KCMF1: variants seen among roughly 807,000 people sequenced by gnomAD.
KCMF1 encodes the protein E3 ubiquitin-protein ligase KCMF1.
Under a neutral mutation model 41.1 loss-of-function variants are expected in KCMF1, and 3 were observed. The observed-to-expected ratio is 0.07, with a 90% confidence interval of 0.03 to 0.19. The LOEUF is 0.19. KCMF1 is among the 10% of genes least tolerant of loss of function. The pLI, the probability that KCMF1 is intolerant of heterozygous loss-of-function variation, is 1.00. For missense variants in KCMF1, 286 were observed against 488.9 expected, an observed-to-expected ratio of 0.58 and a Z score of 3.91; for synonymous variants, 142 against 164.5, an observed-to-expected ratio of 0.86 and a Z score of 1.04.
chr2:85,019,318 A>G (rs1674870346), intron 1 of KCMF1, among the ~76,000 whole-genome samples: 1 of 152,164 alleles, frequency 6.6e-6, no homozygotes, highest in African/African-American at 2.4e-5. Context: ...ACAGATTCTG[A>G]CACATATACT....
chr2:85,029,461 G>A (rs1675208167), intron 2 of KCMF1, among the ~76,000 whole-genome samples: 2 of 151,870 alleles, frequency 1.3e-5, no homozygotes, highest in Admixed American at 6.6e-5. Flanking sequence ...TGGATGTGGT[G>A]GCGCACATGC....
At chr2:85,023,705 C>T (rs1675012815) in intron 1 of KCMF1, among the ~76,000 whole-genome samples, 1 of 152,096 alleles carries the variant, frequency 6.6e-6, no homozygotes, top group African/African-American at 2.4e-5. Flanking sequence ...ACAAAAGATT[C>T]CCTCCCCGGG....
At chr2:85,029,685 T>C (rs1675216801) in intron 2 of KCMF1, among the ~76,000 whole-genome samples, 2 of 148,936 alleles carry the variant, frequency 1.3e-5, no homozygotes, top group South Asian at 4.3e-4. Context: ...TAATTTTTTT[T>C]TTTTTTTTTT....
At chr2:85,008,255 T>TCATATATAATATATAATATGA (rs1491266401) in intron 1 of KCMF1, among the ~76,000 whole-genome samples, 38 of 64,020 alleles carry the variant, frequency 5.9e-4, no homozygotes, top group Non-Finnish European at 1.0e-3. Flanking sequence ...ATGATATATA[T>TCATATATAATATATAATATGA]TATATATCAT....
At chr2:85,000,027 TAAA>T (rs55703502) in intron 1 of KCMF1, among the ~76,000 whole-genome samples, 1 of 147,684 alleles carries the variant, frequency 6.8e-6, no homozygotes, top group Non-Finnish European at 1.5e-5. Flanking sequence ...CAGGGGACAT[TAAA>T]AAAAAAAGAA....
chr2:84,981,122 G>A (rs1269162436), intron 1 of KCMF1, among the ~76,000 whole-genome samples: 6 of 151,348 alleles, frequency 4.0e-5, no homozygotes, highest in Non-Finnish European at 7.4e-5. Context: ...AGAAGAAATA[G>A]CAGAAGAATA....
intron 1 of KCMF1, among the ~76,000 whole-genome samples, chr2:85,020,090 G>A (rs114016011): frequency 0.01 from 1,581 of 152,142 alleles, 21 homozygotes; most frequent in African/African-American, 0.036. Flanking sequence ...AGAGTAGAGC[G>A]AGCAAGGGAT....
At position 85,031,652 on chromosome 2, in the gene KCMF1, A is replaced by AT. The variant is rs759292775; in HGVS notation, c.185-3363dup. 5.3e-5 allele frequency among the ~76,000 whole-genome samples: 8 copies of AT among 152,326 alleles called. No homozygotes were observed. The South Asian group carries it at 1.5e-3, about 28-fold the overall frequency. The stretch of plus-strand genomic sequence containing the variant: ...GTATTAAATGCATTTTCAACTTAAA[A>AT]TAGGTTTATCAAGTTTATTAGGATA... On this transcript the variant is annotated intron_variant, in intron 2 of 6. Transcript: ENST00000409785.
chr2:85,021,167 G>A lies in KCMF1; in HGVS notation c.17-6722G>A, dbSNP rs549221747. On this transcript the variant is annotated intron_variant, in intron 1 of 6. Transcript: ENST00000409785. ...TAGATAATCGATATTTGTTGAATTT[G>A]CTGAAAAATTGCTGCCATGATGCCA... Among the ~76,000 whole-genome samples, 3 of 152,236 alleles carry A rather than the reference G, an allele frequency of 2.0e-5. No homozygotes were observed. In the East Asian group the frequency reaches 5.8e-4, roughly 29 times the overall value.
At position 85,055,565 on chromosome 2, in the gene KCMF1, G is replaced by A. The variant is rs1218627284; in HGVS notation, c.*2156G>A. On this transcript the variant is annotated 3_prime_UTR_variant, in exon 7 of 7. Transcript: ENST00000409785. ...AAGGAGTCATAAGATTCCATCTCATGTAGAATACTGTATATTAATTATTTT... is the reference window on the plus strand; with the variant it reads ...AAGGAGTCATAAGATTCCATCTCATATAGAATACTGTATATTAATTATTTT... 6.6e-6 allele frequency: 1 copy of A among 152,120 alleles called. No homozygotes were observed. Among genetic ancestry groups the A allele is most frequent in the African/African-American group, 2.4e-5 (1 of 41,422 alleles). The allele number at this position is 152,120 out of a possible 1,614,324, so 9.4% of individuals were successfully genotyped here.
rs1342292979 is a variant in KCMF1, at chr2:85,008,294, A to C, written c.17-19595A>C. On this transcript the variant is annotated intron_variant, in intron 1 of 6. Coordinates refer to ENST00000409785, the MANE Select transcript of KCMF1 (RefSeq NM_020122.5). ...TAATATATAATATGATATATAATAT[A>C]TATAATATATAATATGATATATATA... 3.7e-5 allele frequency among the ~76,000 whole-genome samples: 3 copies of C among 81,470 alleles called. 1 individual carries two copies. The highest frequency in any genetic ancestry group is 1.6e-4 in the African/African-American group (3 of 18,182). 53.4% of individuals were successfully genotyped at this position (81,470 alleles called of 152,430 possible).
chr2:85,024,539 T>C (rs1220965360), intron 1 of KCMF1, among the ~76,000 whole-genome samples: 2 of 151,034 alleles, frequency 1.3e-5, no homozygotes, highest in African/African-American at 4.9e-5. Flanking sequence ...TCTCTTACTT[T>C]TTGATTTGGA....
At chr2:85,008,362 T>TATAA (rs1452767371) in intron 1 of KCMF1, among the ~76,000 whole-genome samples, 3 of 8,356 alleles carry the variant, frequency 3.6e-4, no homozygotes, top group East Asian at 0.01. Context: ...ATAATATATA[T>TATAA]TATATATCAT....
intron 2 of KCMF1, among the ~76,000 whole-genome samples, chr2:85,034,695 C>G (rs1401119826): frequency 6.6e-6 from 1 of 152,186 alleles, no homozygotes; most frequent in African/African-American, 2.4e-5. Context: ...GATCTCGGCT[C>G]ACTGCAACCT....
Position 85,035,030 on chromosome 2 carries a change from G to T in KCMF1, c.199G>T (p.Gly67Trp). Reference protein sequence around the residue: ...TRVDFDLYYGGEAFSVEQPQS... With the variant: ...TRVDFDLYYGWEAFSVEQPQS... ...TTATTTTTCAGATTTATACTATGGT[G>T]GGGAAGCTTTCTCTGTAGAGCAGCC... is the stretch of plus-strand genomic sequence containing the variant. The change falls in exon 3 of 7, where the codon GGG becomes TGG. Residue 67 changes from glycine (G) to tryptophan (W), a missense_variant. Gly to Trp is a radical substitution (Grantham distance 184, BLOSUM62 -2). This residue lies in a region of KCMF1 where 95 missense variants were observed against 209.6 expected (regional missense o/e 0.45). Coordinates refer to ENST00000409785, the MANE Select transcript of KCMF1 (RefSeq NM_020122.5). 1 of 1,611,638 alleles carries T rather than the reference G, an allele frequency of 6.2e-7. No individual in the cohort carries two copies. The highest frequency in any genetic ancestry group is 1.1e-5 in the South Asian group (1 of 90,832).
At chr2:85,045,362 G>A (rs1026590596) in intron 4 of KCMF1, among the ~76,000 whole-genome samples, 2 of 152,064 alleles carry the variant, frequency 1.3e-5, no homozygotes, top group Admixed American at 6.6e-5. Context: ...GGCATGTACC[G>A]TGACACCTGA....
chr2:85,036,200 A>C (rs1675399049), intron 3 of KCMF1, among the ~76,000 whole-genome samples: 1 of 152,228 alleles, frequency 6.6e-6, no homozygotes, highest in South Asian at 2.1e-4. Context: ...TTTTTTATAG[A>C]CATCAAGCCA....
At position 85,046,171 on chromosome 2, in the gene KCMF1, G is replaced by A. The variant is rs769032909; in HGVS notation, c.494G>A (p.Arg165His). The A allele has an allele frequency of 3.1e-6, 5 of 1,613,502 alleles. No homozygotes were observed. Among genetic ancestry groups the A allele is most frequent in the Non-Finnish European group, 3.4e-6 (4 of 1,179,676 alleles). ...FHPGRGLGGP[R>H]ARRSNMHFTS... ...CCTGGCCGGGGATTAGGAGGTCCTCGTGCTCGTAGATCAAACATGCACTTT... is the reference window on the plus strand; with the variant it reads ...CCTGGCCGGGGATTAGGAGGTCCTCATGCTCGTAGATCAAACATGCACTTT... Residue 165 changes from arginine to histidine, a missense_variant, in exon 5 of 7, where the codon CGT (arginine) becomes CAT (histidine). Physicochemically the swap from Arg to His is conservative, Grantham distance 29. Around this residue, in one of 2 missense-constraint regions of KCMF1, gnomAD observed 191 missense variants for 279.3 expected, o/e 0.68. Transcript: ENST00000409785.
chr2:84,982,389 C>CTTTTTTTTTTTTTTTTTTTTTTT (rs34687477), intron 1 of KCMF1, among the ~76,000 whole-genome samples: 3 of 47,268 alleles, frequency 6.3e-5, no homozygotes, highest in African/African-American at 1.8e-4. Flanking sequence ...TCCTTATTTT[C>CTTTTTTTTTTTTTTTTTTTTTTT]TTTTTTTTTT....
Sources: gnomAD v4.1 joint callset for allele counts (sites outside exome capture counted in the v4.1 genomes callset) on GRCh38, gnomAD v4.1.1 for gene constraint, gnomAD v4.1.1 regional missense constraint, MANE v1.5 for transcripts, NCBI Gene and HGNC (gene_info 2026-07-23, HGNC 2026-07-21) for gene names.